Variants in SMARCD2 observed in about 807,000 individuals in gnomAD.
SMARCD2 encodes the protein SWI/SNF-related matrix-associated actin-dependent regulator of chromatin subfamily D member 2.
A neutral mutation model predicts 70.4 loss-of-function variants in SMARCD2; 39 were observed. The ratio of observed to expected loss-of-function variants is 0.55; its 90% CI spans 0.43 to 0.72. The LOEUF (loss-of-function observed/expected upper bound fraction) is 0.72. Among genes scored for constraint, SMARCD2 ranks in the 30% least tolerant of loss-of-function variants. The pLI is 0.00. For synonymous variants in SMARCD2, 249 were observed against 279.4 expected (o/e 0.89, Z 1.08); for missense variants, 540 against 713.4 (o/e 0.76, Z 2.77).
Position 63,833,457 on chromosome 17 carries a change from G to C in SMARCD2, c.1318-37C>G, listed in dbSNP as rs1567760173. On this transcript the variant is annotated intron_variant, in intron 10 of 12. Transcript: ENST00000448276. This position sits in a 1 kb window ranked among gnomAD's most constrained non-coding sequence, Gnocchi z 4.3. The stretch of plus-strand genomic sequence containing the variant: ...ACCTGTGTCAGACTGTGCCCCCAAA[G>C]CTTACATGCAAGCAACTGAGCCAGA... 2 of 1,611,978 alleles carry C rather than the reference G, an allele frequency of 1.2e-6. No individual in the cohort carries two copies. The highest frequency in any genetic ancestry group is 4.5e-5 in the East Asian group (2 of 44,848).
At chr17:63,836,022 C>G (rs1055740750) in intron 4 of SMARCD2, among the ~76,000 whole-genome samples, 2 of 152,098 alleles carry the variant, frequency 1.3e-5, no homozygotes, top group Non-Finnish European at 2.9e-5. Flanking sequence ...AGCCACCGCA[C>G]CTGGCCGGAA....
intron 1 of SMARCD2, chr17:63,842,237 C>A: frequency 1.4e-6 from 1 of 740,128 alleles, no homozygotes; most frequent in South Asian, 5.4e-5. Context: ...CGGAAGCCCC[C>A]AGGCCTCCCA....
intron 1 of SMARCD2, 61 bp downstream of exon 1, chr17:63,842,398 G>T: frequency 7.8e-7 from 1 of 1,285,902 alleles, no homozygotes; most frequent in South Asian, 1.8e-5. Flanking sequence ...CCCTTCAGCC[G>T]CCGGCCCGGG....
intron 1 of SMARCD2, chr17:63,839,287 A>T: frequency 2.0e-6 from 2 of 976,328 alleles, no homozygotes; most frequent in Middle Eastern, 5.3e-4. Flanking sequence ...GAGGTGAGCG[A>T]GGGCCCTGTG....
At chr17:63,838,745 C>T (rs1233553750) in intron 1 of SMARCD2, 1 of 1,282,446 alleles carries the variant, frequency 7.8e-7, no homozygotes, top group Admixed American at 3.8e-5. Context: ...GGCAGCTTCA[C>T]AGGGCTGGCC....
In SMARCD2 at chr17:63,837,382, A is replaced by C; in HGVS notation, c.401+59T>G. The C allele has an allele frequency of 6.5e-7, 1 of 1,549,006 alleles. No individual in the cohort carries two copies. Among genetic ancestry groups the C allele is most frequent in the Non-Finnish European group, 8.9e-7 (1 of 1,127,454 alleles). On this transcript the variant is annotated intron_variant, in intron 2 of 12. Transcript: ENST00000448276. This position sits in a 1 kb window ranked among gnomAD's most constrained non-coding sequence, Gnocchi z 6.4. ...CACCAAAGCTCTTAAGATAGAAGGA[A>C]ACCCTCTGCTACCACCAGAGCTGAG...
rs536343863 is a variant in SMARCD2, at chr17:63,832,147, G to A, written c.*791C>T. 7 of 663,128 alleles carry A rather than the reference G, an allele frequency of 1.1e-5. 1 individual carries two copies. In the African/African-American group the frequency reaches 1.3e-4, roughly 12 times the overall value. The allele number at this position is 663,128 out of a possible 1,614,324, so 41.1% of individuals were successfully genotyped here. Reference sequence around the variant, plus strand: ...AGATGTGGCACTCGCCAAGCCCTAGGCCCACCCTCCTCACCAAGCTCCAAA... The same window carrying A: ...AGATGTGGCACTCGCCAAGCCCTAGACCCACCCTCCTCACCAAGCTCCAAA... On this transcript the variant is annotated 3_prime_UTR_variant, in exon 13 of 13. Transcript: ENST00000448276.
At position 63,834,406 on chromosome 17, in the gene SMARCD2, T is replaced by G; in HGVS notation, c.921+68A>C. ...AAAATAGGGCAGGGACAGGAAGGGTTTCTAGGAACCAGCTCCCCTCCTGAG... is the reference window on the plus strand; with the variant it reads ...AAAATAGGGCAGGGACAGGAAGGGTGTCTAGGAACCAGCTCCCCTCCTGAG... On this transcript the variant is annotated intron_variant, in intron 7 of 12. Coordinates refer to ENST00000448276, the MANE Select transcript of SMARCD2 (RefSeq NM_001098426.2). This position sits in a 1 kb window ranked among gnomAD's most constrained non-coding sequence, Gnocchi z 5.6. 1 of 1,567,918 alleles carries G rather than the reference T, an allele frequency of 6.4e-7. No individual in the cohort carries two copies. The highest frequency in any genetic ancestry group is 8.7e-7 in the Non-Finnish European group (1 of 1,148,034).
At chr17:63,842,021 C>T (rs189242134) in intron 1 of SMARCD2, among the ~76,000 whole-genome samples, 316 of 152,306 alleles carry the variant, frequency 2.1e-3, no homozygotes, top group African/African-American at 7.2e-3. Flanking sequence ...GCTAGAGCTC[C>T]GCCAGTTCCC....
At position 63,833,416 on chromosome 17, in the gene SMARCD2, TG is replaced by T. The variant is rs2144625431; in HGVS notation, c.1321del (p.His441MetfsTer10). The T allele has an allele frequency of 6.2e-7, 1 of 1,613,996 alleles. No homozygotes were observed. The highest frequency in any genetic ancestry group is 1.3e-5 in the African/African-American group (1 of 75,010). On this transcript the variant is annotated frameshift_variant, in exon 11 of 13. Transcript: ENST00000448276. LOFTEE classifies it high-confidence loss of function. This position sits in a 1 kb window ranked among gnomAD's most constrained non-coding sequence, Gnocchi z 4.3. ...QEIASLDVKI[H>X]ETIESINQLK... ...CTGGTTGATGGACTCAATGGTCTCA[TG>T]GATCTGGAGAGGGTACCTGTGTCAG... is the stretch of plus-strand genomic sequence containing the variant.
At chr17:63,841,892 C>G (rs1567764787) in intron 1 of SMARCD2, among the ~76,000 whole-genome samples, 1 of 152,210 alleles carries the variant, frequency 6.6e-6, no homozygotes, top group Non-Finnish European at 1.5e-5. Context: ...GGCCCTGCCT[C>G]AGGAGTAAAG....
intron 1 of SMARCD2, 170 bp downstream of exon 1, chr17:63,842,289 C>T: frequency 9.0e-7 from 1 of 1,108,878 alleles, no homozygotes; most frequent in Non-Finnish European, 1.1e-6. Flanking sequence ...TTCCCCTTCC[C>T]ACTTCTCCAC....
At chr17:63,838,138 C>T (rs1172477439) in intron 1 of SMARCD2, among the ~76,000 whole-genome samples, 1 of 152,126 alleles carries the variant, frequency 6.6e-6, no homozygotes, top group East Asian at 1.9e-4. Context: ...TCCCCATCCT[C>T]TGTGGCCGAG....
intron 5 of SMARCD2, chr17:63,835,119 T>A: frequency 1.9e-6 from 1 of 532,052 alleles, no homozygotes; most frequent in Non-Finnish European, 3.3e-6. Flanking sequence ...CGCCCAAGTG[T>A]CTGGCCCAGT....
chr17:63,837,350 C>T lies in SMARCD2; in HGVS notation c.401+91G>A, dbSNP rs999882827. ...CTCCCCCAGGAGAGCCTGGAGTCAT[C>T]CTCAGTCACCAAAGCTCTTAAGATA... On this transcript the variant is annotated intron_variant, in intron 2 of 12. Coordinates refer to ENST00000448276, the MANE Select transcript of SMARCD2 (RefSeq NM_001098426.2). The surrounding 1 kb of genome is among the most constrained non-coding windows in gnomAD (Gnocchi z 6.4). The T allele has an allele frequency of 6.6e-7, 1 of 1,524,878 alleles. No individual in the cohort carries two copies. The highest frequency in any genetic ancestry group is 9.1e-7 in the Non-Finnish European group (1 of 1,099,926). 94.5% of individuals were successfully genotyped at this position (1,524,878 alleles called of 1,614,324 possible).
Position 63,832,264 on chromosome 17 carries a change from A to T in SMARCD2, c.*674T>A. ...ACCTCAGGCCATGCTAGAGAACTGG[A>T]GTGTCCCCTCCCCGGCCCAAGCCGC... On this transcript the variant is annotated 3_prime_UTR_variant, in exon 13 of 13. Transcript: ENST00000448276. 2.2e-6 allele frequency: 1 copy of T among 447,276 alleles called. No individual in the cohort carries two copies. Among genetic ancestry groups the T allele is most frequent in the South Asian group, 2.6e-5 (1 of 38,636 alleles). The allele number at this position is 447,276 out of a possible 1,614,324, so 27.7% of individuals were successfully genotyped here.
intron 1 of SMARCD2, among the ~76,000 whole-genome samples, chr17:63,840,612 C>T (rs967452216): frequency 6.6e-6 from 1 of 152,164 alleles, no homozygotes; most frequent in Non-Finnish European, 1.5e-5. Flanking sequence ...GCCTCAAATT[C>T]TCACTTTTCA....
Position 63,834,307 on chromosome 17 carries a change from G to A in SMARCD2, c.943C>T (p.Pro315Ser). Residue 315 changes from proline (P) to serine (S), a missense_variant, in exon 8 of 13, where the codon CCC becomes TCC. Transcript: ENST00000448276. The surrounding 1 kb of genome is among the most constrained non-coding windows in gnomAD (Gnocchi z 5.6). Reference protein sequence around the residue: ...DHQPPQYKLDPRLARLLGVHT... With the variant: ...DHQPPQYKLDSRLARLLGVHT... ...ACTCCCAGCAGCCTTGCCAATCGGGGGTCCAATTTGTACTGGGGAGGCTGG... is the reference window on the plus strand; with the variant it reads ...ACTCCCAGCAGCCTTGCCAATCGGGAGTCCAATTTGTACTGGGGAGGCTGG... The A allele has an allele frequency of 6.2e-7, 1 of 1,612,452 alleles. No homozygotes were observed. Among genetic ancestry groups the A allele is most frequent in the Non-Finnish European group, 8.5e-7 (1 of 1,179,054 alleles).
intron 1 of SMARCD2, 125 bp downstream of exon 1, chr17:63,842,334 C>G: frequency 8.4e-7 from 1 of 1,188,284 alleles, no homozygotes; most frequent in Non-Finnish European, 1.0e-6. Context: ...CCCGGCCCGC[C>G]CTCCACCGTC....
Sources: gnomAD v4.1 joint callset for allele counts (sites outside exome capture counted in the v4.1 genomes callset) on GRCh38, gnomAD v4.1.1 for gene constraint, Gnocchi (gnomAD v3.1) non-coding constraint, MANE v1.5 for transcripts, NCBI Gene and HGNC (gene_info 2026-07-23, HGNC 2026-07-21) for gene names.